ADGRV1: variants seen among roughly 807,000 people sequenced by gnomAD.
The protein encoded by ADGRV1 is G-protein coupled receptor 98.
In ADGRV1, 359 loss-of-function variants were observed where a neutral mutation model predicts 596.2. That is an observed-to-expected ratio of 0.60 (90% CI 0.55 to 0.66). ADGRV1 has a LOEUF of 0.66. ADGRV1 is among the 30% of genes least tolerant of loss of function. The pLI, the probability that ADGRV1 is intolerant of heterozygous loss-of-function variation, is 0.00. For missense variants in ADGRV1, 7,274 were observed against 7,575.6 expected (o/e 0.96, Z 1.48); for synonymous variants, 2,681 against 2,679.2 (o/e 1.00, Z -0.02).
At chr5:90,829,910 T>C (rs946359186) in intron 77 of ADGRV1, among the ~76,000 whole-genome samples, 1 of 152,144 alleles carries the variant, frequency 6.6e-6, no homozygotes, top group Admixed American at 6.6e-5. Context: ...TTACTTTATA[T>C]AACTTCAGGA....
chr5:90,630,917 T>A (rs369789312), intron 9 of ADGRV1, among the ~76,000 whole-genome samples: 1 of 152,164 alleles, frequency 6.6e-6, no homozygotes, highest in Non-Finnish European at 1.5e-5. Context: ...TGTCTGGGAT[T>A]TTTTTACTGA....
chr5:90,790,316 A>T (rs968535284), intron 69 of ADGRV1, among the ~76,000 whole-genome samples: 3 of 152,224 alleles, frequency 2.0e-5, no homozygotes, highest in Non-Finnish European at 2.9e-5. Flanking sequence ...TAACAGATCA[A>T]GGTAATTTGT....
intron 85 of ADGRV1, among the ~76,000 whole-genome samples, chr5:91,004,790 C>G (rs1782137104): frequency 6.6e-6 from 1 of 152,096 alleles, no homozygotes; most frequent in Admixed American, 6.6e-5. Context: ...AGGAGGATGT[C>G]ATATGCCATC....
intron 52 of ADGRV1, among the ~76,000 whole-genome samples, chr5:90,748,264 C>A (rs1277155862): frequency 6.6e-6 from 1 of 152,116 alleles, no homozygotes; most frequent in Admixed American, 6.5e-5. Context: ...GATCAGCTTC[C>A]TCTGAGGCAT....
At chr5:90,691,134 T>G in intron 31 of ADGRV1, 93 bp downstream of exon 31, 6 of 1,436,810 alleles carry the variant, frequency 4.2e-6, no homozygotes, top group South Asian at 1.2e-5. Flanking sequence ...TTGGAGAGGA[T>G]GTCAAATAAA....
At chr5:90,931,799 G>T (rs567882102) in intron 83 of ADGRV1, among the ~76,000 whole-genome samples, 4 of 152,056 alleles carry the variant, frequency 2.6e-5, no homozygotes, top group Non-Finnish European at 4.4e-5. Context: ...TTCTGGACAG[G>T]CATATACTTG....
intron 1 of ADGRV1, among the ~76,000 whole-genome samples, chr5:90,596,235 G>A (rs1282148872): frequency 6.6e-5 from 10 of 150,536 alleles, no homozygotes; most frequent in South Asian, 4.2e-4. Flanking sequence ...ATGTGATGGC[G>A]GCCGGGAAGA....
In ADGRV1 at chr5:90,690,789, C is replaced by T; in HGVS notation, c.6707-8C>T. 1 of 1,588,626 alleles carries T rather than the reference C, an allele frequency of 6.3e-7. No homozygotes were observed. The highest frequency in any genetic ancestry group is 1.3e-5 in the African/African-American group (1 of 74,634). On this transcript the variant is annotated splice_polypyrimidine_tract_variant and splice_region_variant and intron_variant, in intron 30 of 89. Coordinates refer to ENST00000405460, the MANE Select transcript of ADGRV1 (RefSeq NM_032119.4). Reference sequence around the variant, plus strand: ...TTTGAAATGAACTCTGCTCTGTCTACCCTTCAGGTTTTCAGATTACTAAAC... The same window carrying T: ...TTTGAAATGAACTCTGCTCTGTCTATCCTTCAGGTTTTCAGATTACTAAAC...
At position 90,921,358 on chromosome 5, in the gene ADGRV1, T is replaced by A. The variant is rs1773859476; in HGVS notation, c.17857-44057T>A. On this transcript the variant is annotated intron_variant, in intron 83 of 89. Coordinates refer to ENST00000405460, the MANE Select transcript of ADGRV1 (RefSeq NM_032119.4). ...ATTTATTGCTTTTGGTTTCTGGGGGTCTTGTAATTGACTGCCTTCTCTTCT... is the reference window on the plus strand; with the variant it reads ...ATTTATTGCTTTTGGTTTCTGGGGGACTTGTAATTGACTGCCTTCTCTTCT... Among the ~76,000 whole-genome samples, 3 of 152,042 alleles carry A rather than the reference T, an allele frequency of 2.0e-5. No homozygotes were observed. In the South Asian group the frequency reaches 6.2e-4, roughly 31 times the overall value.
chr5:90,699,961 T>C (rs1747687258), intron 34 of ADGRV1, among the ~76,000 whole-genome samples: 1 of 152,214 alleles, frequency 6.6e-6, no homozygotes, highest in Admixed American at 6.5e-5. Context: ...GCATGAGTGC[T>C]CCCTAGATTT....
At chr5:90,637,493 A>G (rs1401374785) in intron 10 of ADGRV1, among the ~76,000 whole-genome samples, 2 of 152,158 alleles carry the variant, frequency 1.3e-5, no homozygotes, top group African/African-American at 4.8e-5. Context: ...GGGTGAGGGT[A>G]GTTTTGTATA....
At chr5:90,693,742 C>A in intron 32 of ADGRV1, 148 bp from the exon 33 acceptor site, 1 of 505,994 alleles carries the variant, frequency 2.0e-6, no homozygotes, top group Non-Finnish European at 3.3e-6. Flanking sequence ...TGTTGGGAGA[C>A]AAGTGTAATT....
In ADGRV1 at chr5:90,812,500, C is replaced by T. The variant is rs115483517; in HGVS notation, c.16078+1162C>T. ...AGTGAGAATATTTCAAATTTACTAT[C>T]TTAGAAACTTGGAAATGTACAGTAC... On this transcript the variant is annotated intron_variant, in intron 74 of 89. Transcript: ENST00000405460. Among the ~76,000 whole-genome samples the T allele has an allele frequency of 8.0e-3, 1,216 of 152,268 alleles. 15 individuals carry two copies. The highest frequency in any genetic ancestry group is 0.028 in the African/African-American group (1,161 of 41,558).
intron 84 of ADGRV1, among the ~76,000 whole-genome samples, chr5:90,972,384 A>T (rs1457038175): frequency 1.3e-5 from 2 of 152,174 alleles, no homozygotes; most frequent in African/African-American, 4.8e-5. Context: ...TCCACCCCAA[A>T]TCAACAGATT....
chr5:90,561,663 A>T (rs1419507288), intron 1 of ADGRV1, among the ~76,000 whole-genome samples: 2 of 152,158 alleles, frequency 1.3e-5, no homozygotes, highest in Admixed American at 6.5e-5. Context: ...TTTGCCTTTG[A>T]TAAGTCATTA....
intron 83 of ADGRV1, among the ~76,000 whole-genome samples, chr5:90,953,746 A>G (rs942680021): frequency 2.6e-5 from 4 of 152,092 alleles, no homozygotes; most frequent in African/African-American, 9.7e-5. Flanking sequence ...ATAATTATAA[A>G]ACTAATATGT....
chr5:90,761,774 G>A (rs936296237), intron 58 of ADGRV1, among the ~76,000 whole-genome samples: 8 of 152,272 alleles, frequency 5.3e-5, no homozygotes, highest in South Asian at 2.1e-4. Flanking sequence ...TAAAGCATGC[G>A]TGCTTGAGCT....
chr5:90,830,575 A>G (rs142453316), intron 77 of ADGRV1, among the ~76,000 whole-genome samples: 1 of 152,286 alleles, frequency 6.6e-6, no homozygotes, highest in African/African-American at 2.4e-5. Flanking sequence ...GAAGGCCAGC[A>G]ACTCTATCAT....
At chr5:90,770,837 C>A (rs1282122884) in intron 59 of ADGRV1, among the ~76,000 whole-genome samples, 6 of 152,136 alleles carry the variant, frequency 3.9e-5, no homozygotes, top group African/African-American at 1.4e-4. Flanking sequence ...TTTTTATATA[C>A]CCTTTGAAAA....
Sources: allele counts gnomAD v4.1 joint callset (sites outside exome capture counted in the v4.1 genomes callset), GRCh38; gene constraint gnomAD v4.1.1; transcripts MANE v1.5; gene names NCBI Gene and HGNC (gene_info 2026-07-23, HGNC 2026-07-21).